The following MAML3 variants were observed in gnomAD, a reference collection of about 807,000 sequenced individuals.
MAML3 encodes mastermind-like protein 3.
A neutral mutation model predicts 101.9 loss-of-function variants in MAML3; 27 were observed. The ratio of observed to expected loss-of-function variants is 0.27; its 90% CI spans 0.20 to 0.37. The LOEUF (loss-of-function observed/expected upper bound fraction) is 0.37. Ranked by LOEUF, MAML3 falls within the 10% of genes least tolerant of loss-of-function variation. MAML3 has a pLI of 1.00. For synonymous variants in MAML3, 501 were observed against 555.9 expected (o/e 0.90, Z 1.39); for missense variants, 1,316 against 1,444.9 (o/e 0.91, Z 1.45).
At chr4:139,752,522 A>G (rs924062807) in intron 2 of MAML3, among the ~76,000 whole-genome samples, 6 of 152,166 alleles carry the variant, frequency 3.9e-5, no homozygotes, top group Admixed American at 3.9e-4. Flanking sequence ...TTTGGGGTCA[A>G]AAAGAGGATG....
intron 1 of MAML3, among the ~76,000 whole-genome samples, chr4:140,011,560 G>T (rs953941251): frequency 1.3e-5 from 2 of 150,960 alleles, no homozygotes; most frequent in African/African-American, 2.4e-5. Flanking sequence ...TAGCCAGGAT[G>T]GTCTCGATCT....
chr4:139,732,307 G>T (rs1478421381), intron 2 of MAML3, among the ~76,000 whole-genome samples: 2 of 152,114 alleles, frequency 1.3e-5, no homozygotes, highest in Non-Finnish European at 2.9e-5. Flanking sequence ...CCTATGGCTT[G>T]GGCTTGTGTT....
At chr4:139,889,243 G>A (rs763283642) in intron 2 of MAML3, 114 bp downstream of exon 2, 42 of 1,596,688 alleles carry the variant, frequency 2.6e-5, no homozygotes, top group Non-Finnish European at 3.6e-5. Flanking sequence ...GTGTAAAGAG[G>A]TTTTCTGCAG....
rs571897157 is a variant in MAML3 at position 139,825,771 on chromosome 4, A to G, written c.2079+63586T>C. ...CTTCAAGGAAGAGAAGAAGGAAAAAAAAAAAAAAGTTGCACGTTCTTTTAT... is the reference window on the plus strand; with the variant it reads ...CTTCAAGGAAGAGAAGAAGGAAAAAGAAAAAAAAGTTGCACGTTCTTTTAT... On this transcript the variant is annotated intron_variant, in intron 2 of 4. Transcript: ENST00000509479. Among the ~76,000 whole-genome samples the G allele has an allele frequency of 4.4e-3, 676 of 152,270 alleles. 3 individuals are homozygous for G. The highest frequency in any genetic ancestry group is 0.015 in the African/African-American group (627 of 41,544).
intron 1 of MAML3, among the ~76,000 whole-genome samples, chr4:139,915,254 C>A (rs898688130): frequency 3.9e-5 from 6 of 152,186 alleles, no homozygotes; most frequent in Non-Finnish European, 8.8e-5. Context: ...GTTAACACAG[C>A]CTCTTGAATT....
intron 1 of MAML3, among the ~76,000 whole-genome samples, chr4:140,028,875 G>A (rs1726866032): frequency 6.6e-6 from 1 of 152,128 alleles, no homozygotes; most frequent in Admixed American, 6.5e-5. Flanking sequence ...GATGATTCAT[G>A]CTCTCCTGTG....
intron 1 of MAML3, among the ~76,000 whole-genome samples, chr4:140,033,867 T>G (rs1050084938): frequency 6.6e-6 from 1 of 152,242 alleles, no homozygotes; most frequent in Non-Finnish European, 1.5e-5. Context: ...GAGACTTTTT[T>G]AAAGTGTGCA....
At chr4:139,729,342 G>A (rs988432108) in intron 3 of MAML3, among the ~76,000 whole-genome samples, 1 of 152,132 alleles carries the variant, frequency 6.6e-6, no homozygotes, top group Admixed American at 6.5e-5. Flanking sequence ...AATTCTGGCA[G>A]GGCGTGGTGG....
chr4:140,152,809 C>A, intron 1 of MAML3, 51 bp downstream of exon 1: 1 of 1,572,886 alleles, frequency 6.4e-7, no homozygotes, highest in Non-Finnish European at 8.6e-7. Context: ...CCCCCCACCA[C>A]CACCACCACC....
chr4:139,978,839 C>T (rs1046860733), intron 1 of MAML3, among the ~76,000 whole-genome samples: 5 of 152,222 alleles, frequency 3.3e-5, no homozygotes, highest in Admixed American at 1.3e-4. Context: ...ACAGAACTGG[C>T]TATATAGCAG....
intron 1 of MAML3, among the ~76,000 whole-genome samples, chr4:140,131,962 T>C (rs775394770): frequency 3.3e-5 from 5 of 152,264 alleles, no homozygotes; most frequent in Admixed American, 1.3e-4. Context: ...CATTTCCATA[T>C]GCTTCTCCTA....
chr4:139,791,930 G>A (rs1409274404), intron 2 of MAML3, among the ~76,000 whole-genome samples: 1 of 152,208 alleles, frequency 6.6e-6, no homozygotes, highest in Non-Finnish European at 1.5e-5. Flanking sequence ...AGGTGGACAT[G>A]GTAATTACGG....
chr4:139,810,831 C>T (rs890306008), intron 2 of MAML3, among the ~76,000 whole-genome samples: 1 of 152,182 alleles, frequency 6.6e-6, no homozygotes, highest in Non-Finnish European at 1.5e-5. Context: ...CCTGATTGTA[C>T]TTGAGGAGGG....
chr4:139,987,305 A>G (rs1475746379), intron 1 of MAML3, among the ~76,000 whole-genome samples: 1 of 152,212 alleles, frequency 6.6e-6, no homozygotes, highest in African/African-American at 2.4e-5. Flanking sequence ...AAACAGCCTC[A>G]AAGAAAATGA....
At chr4:140,128,785 G>T (rs777599757) in intron 1 of MAML3, among the ~76,000 whole-genome samples, 1 of 152,180 alleles carries the variant, frequency 6.6e-6, no homozygotes, top group Non-Finnish European at 1.5e-5. Flanking sequence ...GCAAGAGAAA[G>T]AACTAACACC....
At chr4:140,010,595 C>T (rs1007319684) in intron 1 of MAML3, among the ~76,000 whole-genome samples, 12 of 152,038 alleles carry the variant, frequency 7.9e-5, no homozygotes, top group African/African-American at 2.7e-4. Context: ...CCCAGTAATA[C>T]GTTTTTAAGA....
chr4:140,134,540 A>G (rs563213620), intron 1 of MAML3: 4 of 361,736 alleles, frequency 1.1e-5, no homozygotes, highest in South Asian at 6.4e-5. Flanking sequence ...AGCCTGAAAA[A>G]ATATCAGTTC....
chr4:139,833,849 C>G (rs35122830), intron 2 of MAML3, among the ~76,000 whole-genome samples: 4,056 of 152,170 alleles, frequency 0.027, 127 homozygotes, highest in African/African-American at 0.079. Flanking sequence ...AAGAATGAAT[C>G]ACAGTATCCC....
chr4:139,729,187 T>C (rs1037583654), intron 3 of MAML3, among the ~76,000 whole-genome samples: 1 of 119,002 alleles, frequency 8.4e-6, no homozygotes, highest in Non-Finnish European at 1.7e-5. Context: ...AAAGGGAACA[T>C]AAGTGAACTG....
Sources: gnomAD v4.1 joint callset for allele counts (sites outside exome capture counted in the v4.1 genomes callset) on GRCh38, gnomAD v4.1.1 for gene constraint, MANE v1.5 for transcripts, NCBI Gene and HGNC (gene_info 2026-07-23, HGNC 2026-07-21) for gene names.